CAMK2D: variants seen among roughly 807,000 people sequenced by gnomAD.
The protein encoded by CAMK2D is calcium/calmodulin dependent protein kinase II delta.
In CAMK2D, 37 loss-of-function variants were observed where a neutral mutation model predicts 84.0. That is an observed-to-expected ratio of 0.44 (90% CI 0.34 to 0.58). The LOEUF is 0.58. Among genes scored for constraint, CAMK2D ranks in the 20% least tolerant of loss-of-function variants. The pLI is 0.02. For synonymous variants in CAMK2D, 202 were observed against 212.5 expected (o/e 0.95, Z 0.43); for missense variants, 448 against 652.5 (o/e 0.69, Z 3.41).
At chr4:113,523,598 C>A (rs956780833) in intron 8 of CAMK2D, among the ~76,000 whole-genome samples, 1 of 151,858 alleles carries the variant, frequency 6.6e-6, no homozygotes, top group Non-Finnish European at 1.5e-5. Flanking sequence ...CATGGCAAAA[C>A]CCTGTCTCTA....
intron 2 of CAMK2D, among the ~76,000 whole-genome samples, chr4:113,693,051 AAAAT>A (rs1229182352): frequency 6.6e-6 from 1 of 152,184 alleles, no homozygotes; most frequent in East Asian, 1.9e-4. Flanking sequence ...GGAGATGTAA[AAAAT>A]AAATAAAACA....
At chr4:113,560,292 C>T (rs573997889) in intron 4 of CAMK2D, among the ~76,000 whole-genome samples, 10 of 151,834 alleles carry the variant, frequency 6.6e-5, no homozygotes, top group African/African-American at 2.4e-4. Flanking sequence ...TGTCATTAAG[C>T]AGTGTCGTTT....
chr4:113,501,379 A>T (rs2098042961), intron 15 of CAMK2D, among the ~76,000 whole-genome samples: 1 of 152,206 alleles, frequency 6.6e-6, no homozygotes, highest in Non-Finnish European at 1.5e-5. Context: ...TGCAATATTC[A>T]TAAGAAAGAC....
intron 3 of CAMK2D, 142 bp downstream of exon 3, chr4:113,661,571 C>A: frequency 2.2e-6 from 1 of 448,972 alleles, no homozygotes; most frequent in Non-Finnish European, 4.0e-6. Context: ...TTTGAGGTAT[C>A]AAATGTAACC....
intron 3 of CAMK2D, among the ~76,000 whole-genome samples, chr4:113,630,456 A>G (rs1378314879): frequency 6.6e-6 from 1 of 152,196 alleles, no homozygotes; most frequent in African/African-American, 2.4e-5. Flanking sequence ...AATTCTAAGA[A>G]ATTTATTAAA....
At chr4:113,661,230 G>A (rs2099230440) in intron 3 of CAMK2D, among the ~76,000 whole-genome samples, 1 of 152,012 alleles carries the variant, frequency 6.6e-6, no homozygotes, top group African/African-American at 2.4e-5. Flanking sequence ...TGTTATACTT[G>A]TTTCATTTTT....
rs988339557 is a variant in CAMK2D at position 113,500,200 on chromosome 4, G to GCTAA, written c.1135+262_1135+263insTTAG. On this transcript the variant is annotated intron_variant, in intron 16 of 20. Coordinates refer to ENST00000511664, the MANE Select transcript of CAMK2D (RefSeq NM_001321571.2). ...TCCTATAACTAGTAACTCATTATTA[G>GCTAA]TTGTCATTACTGCAATGTGCTAGAA... 2.0e-5 allele frequency among the ~76,000 whole-genome samples: 3 copies of GCTAA among 151,932 alleles called. No individual in the cohort carries two copies. The East Asian group carries it at 5.8e-4, about 29-fold the overall frequency.
chr4:113,468,385 T>C (rs1377223704), intron 16 of CAMK2D, among the ~76,000 whole-genome samples: 1 of 152,130 alleles, frequency 6.6e-6, no homozygotes, highest in Non-Finnish European at 1.5e-5. Context: ...ATAAAAACAA[T>C]GTGACTCGTT....
At chr4:113,651,913 A>G (rs1002952907) in intron 3 of CAMK2D, among the ~76,000 whole-genome samples, 3 of 152,176 alleles carry the variant, frequency 2.0e-5, no homozygotes, top group Non-Finnish European at 2.9e-5. Flanking sequence ...TTAGTTCTAT[A>G]ATACCTATAT....
At chr4:113,743,644 T>A (rs2099597967) in intron 2 of CAMK2D, among the ~76,000 whole-genome samples, 1 of 152,176 alleles carries the variant, frequency 6.6e-6, no homozygotes, top group Non-Finnish European at 1.5e-5. Flanking sequence ...TTATCTCTTA[T>A]TCTCACTCAT....
intron 2 of CAMK2D, among the ~76,000 whole-genome samples, chr4:113,751,614 G>A (rs1594139195): frequency 6.6e-6 from 1 of 151,756 alleles, no homozygotes; most frequent in Non-Finnish European, 1.5e-5. Flanking sequence ...TACTAAAAAT[G>A]CAAAAATTAG....
chr4:113,677,682 C>T lies in CAMK2D; in HGVS notation c.161-15910G>A, dbSNP rs142139968. 632 of 190,782 alleles carry T rather than the reference C, an allele frequency of 3.3e-3. 6 individuals carry two copies. The highest frequency in any genetic ancestry group is 0.014 in the African/African-American group (589 of 42,128). The allele number at this position is 190,782 out of a possible 1,614,324, so 11.8% of individuals were successfully genotyped here. A position where few individuals can be genotyped will look rare whatever the true frequency, so the allele number is the denominator to read the frequency against. ...TAGATTCTAGTAAATTCAATGATTA[C>T]TGGATTGACAAAAATGGGATTATTT... On this transcript the variant is annotated intron_variant, in intron 2 of 20. Transcript: ENST00000511664.
intron 4 of CAMK2D, among the ~76,000 whole-genome samples, chr4:113,564,887 T>G (rs2098715004): frequency 6.6e-6 from 1 of 152,152 alleles, no homozygotes; most frequent in South Asian, 2.1e-4. Context: ...CCCCTAAATT[T>G]TAAAAAATAC....
chr4:113,676,335 A>C (rs1163238962), intron 2 of CAMK2D, among the ~76,000 whole-genome samples: 1 of 152,162 alleles, frequency 6.6e-6, no homozygotes, highest in Non-Finnish European at 1.5e-5. Context: ...ATCCTCCTCC[A>C]GAATCAGGGA....
At chr4:113,719,684 G>A (rs1024971069) in intron 2 of CAMK2D, among the ~76,000 whole-genome samples, 31 of 152,154 alleles carry the variant, frequency 2.0e-4, no homozygotes, top group Admixed American at 3.3e-4. Context: ...CTTGGGGGAT[G>A]GGGAAGGAAG....
intron 2 of CAMK2D, among the ~76,000 whole-genome samples, chr4:113,721,366 C>A (rs2099529948): frequency 6.6e-6 from 1 of 152,120 alleles, no homozygotes; most frequent in Non-Finnish European, 1.5e-5. Context: ...AAATATAATT[C>A]TCACTGATTG....
chr4:113,648,921 T>TA (rs1263444966), intron 3 of CAMK2D, among the ~76,000 whole-genome samples: 1 of 152,150 alleles, frequency 6.6e-6, no homozygotes, highest in Non-Finnish European at 1.5e-5. Context: ...TTCCAATCCT[T>TA]AAAAAAATAA....
At position 113,469,966 on chromosome 4, in the gene CAMK2D, A is replaced by C. The variant is rs183931661; in HGVS notation, c.1136-4362T>G. Among the ~76,000 whole-genome samples, 9 of 152,070 alleles carry C rather than the reference A, an allele frequency of 5.9e-5. No homozygotes were observed. In the East Asian group the frequency reaches 1.5e-3, roughly 26 times the overall value. Reference sequence around the variant, plus strand: ...CCTCTGATTTAGTGTTTCTGCAACCAATTTTGCTCTTCACTATTCTGTTCT... The same window carrying C: ...CCTCTGATTTAGTGTTTCTGCAACCCATTTTGCTCTTCACTATTCTGTTCT... On this transcript the variant is annotated intron_variant, in intron 16 of 20. Transcript: ENST00000511664.
intron 3 of CAMK2D, among the ~76,000 whole-genome samples, chr4:113,629,156 G>C (rs1257788446): frequency 6.6e-6 from 1 of 152,040 alleles, no homozygotes; most frequent in Non-Finnish European, 1.5e-5. Context: ...GGAAGAAACT[G>C]TGCTAAGTAT....
Sources: allele counts gnomAD v4.1 joint callset (sites outside exome capture counted in the v4.1 genomes callset), GRCh38; gene constraint gnomAD v4.1.1; transcripts MANE v1.5; gene names NCBI Gene and HGNC (gene_info 2026-07-23, HGNC 2026-07-21).